The following RBMS3 variants were observed in gnomAD, a reference collection of about 807,000 sequenced individuals.
RBMS3 encodes RNA binding motif single stranded interacting protein 3.
A neutral mutation model predicts 66.8 loss-of-function variants in RBMS3; 27 were observed. The ratio of observed to expected loss-of-function variants is 0.40; its 90% CI spans 0.30 to 0.56. The LOEUF (loss-of-function observed/expected upper bound fraction) is 0.56, where lower values mean the gene tolerates loss of function less well. Among genes scored for constraint, RBMS3 ranks in the 20% least tolerant of loss-of-function variants. The pLI is 0.40. For missense variants in RBMS3, 513 were observed against 549.5 expected (o/e 0.93, Z 0.66); for synonymous variants, 188 against 183.0 (o/e 1.03, Z -0.22).
chr3:29,410,408 T>C (rs1469176504), intron 1 of RBMS3, among the ~76,000 whole-genome samples: 1 of 152,214 alleles, frequency 6.6e-6, no homozygotes, highest in African/African-American at 2.4e-5. Context: ...TGACAGCTAG[T>C]ATGCAAATTG....
Position 29,825,285 on chromosome 3 carries a change from C to T in RBMS3, c.638-43573C>T, listed in dbSNP as rs566780674. Among the ~76,000 whole-genome samples the T allele has an allele frequency of 1.7e-4, 26 of 152,202 alleles. No homozygotes were observed. In the South Asian group the frequency reaches 5.2e-3, roughly 30 times the overall value. On this transcript the variant is annotated intron_variant, in intron 6 of 14. Coordinates refer to ENST00000383767, the MANE Select transcript of RBMS3 (RefSeq NM_001003793.3). The stretch of plus-strand genomic sequence containing the variant: ...CTCCTGACCTCAGGTTATCCACCTG[C>T]CTCATCCTCCCAATGTGCTGGGATT...
chr3:29,316,841 CAA>C (rs1395931002), intron 1 of RBMS3, among the ~76,000 whole-genome samples: 1 of 151,536 alleles, frequency 6.6e-6, no homozygotes, highest in African/African-American at 2.4e-5. Context: ...CCTACGCACT[CAA>C]GAGACATTTG....
At chr3:29,408,271 CAAAAA>C (rs10708935) in intron 1 of RBMS3, among the ~76,000 whole-genome samples, 1 of 74,848 alleles carries the variant, frequency 1.3e-5, no homozygotes, top group Non-Finnish European at 2.7e-5. Flanking sequence ...GACTCCATCT[CAAAAA>C]AAAAAAAAAA....
chr3:29,330,544 G>T (rs1308143623), intron 1 of RBMS3, among the ~76,000 whole-genome samples: 1 of 152,112 alleles, frequency 6.6e-6, no homozygotes, highest in Non-Finnish European at 1.5e-5. Flanking sequence ...AATCCATTCT[G>T]GGTGGGTATC....
At chr3:29,321,033 A>G (rs1001562912) in intron 1 of RBMS3, among the ~76,000 whole-genome samples, 1 of 152,034 alleles carries the variant, frequency 6.6e-6, no homozygotes, top group Non-Finnish European at 1.5e-5. Flanking sequence ...GATATCATAT[A>G]CTTAGCCAAT....
At chr3:29,379,243 C>A (rs2038643638) in intron 1 of RBMS3, among the ~76,000 whole-genome samples, 2 of 152,192 alleles carry the variant, frequency 1.3e-5, no homozygotes, top group Non-Finnish European at 2.9e-5. Context: ...ATGTATTATT[C>A]TAACCTCTTT....
chr3:29,388,053 C>T (rs1364182750), intron 1 of RBMS3, among the ~76,000 whole-genome samples: 8 of 151,642 alleles, frequency 5.3e-5, no homozygotes, highest in Non-Finnish European at 1.0e-4. Context: ...TCAGAAATAA[C>T]TTCCCCAACC....
chr3:29,681,367 T>C (rs75174416), intron 4 of RBMS3, among the ~76,000 whole-genome samples: 4,262 of 152,276 alleles, frequency 0.028, 78 homozygotes, highest in Admixed American at 0.064. Flanking sequence ...TTTAAGTTAA[T>C]GGGTACATGT....
intron 1 of RBMS3, among the ~76,000 whole-genome samples, chr3:29,347,229 A>C (rs563371838): frequency 3.3e-5 from 5 of 152,350 alleles, no homozygotes; most frequent in Non-Finnish European, 5.9e-5. Flanking sequence ...ATTGTTTAAA[A>C]GAATTTTTGA....
At chr3:29,930,727 AATAT>A (rs113959842) in intron 10 of RBMS3, among the ~76,000 whole-genome samples, 2,087 of 149,452 alleles carry the variant, frequency 0.014, 47 homozygotes, top group African/African-American at 0.039. Context: ...TTTTTATTCT[AATAT>A]ATATATATAT....
intron 3 of RBMS3, among the ~76,000 whole-genome samples, chr3:29,570,845 A>C (rs1348362144): frequency 6.6e-6 from 1 of 152,180 alleles, no homozygotes; most frequent in Admixed American, 6.5e-5. Context: ...TATACTCAGC[A>C]ATGGTATTTC....
intron 4 of RBMS3, among the ~76,000 whole-genome samples, chr3:29,725,690 C>G (rs144980084): frequency 6.6e-6 from 1 of 152,068 alleles, no homozygotes; most frequent in East Asian, 1.9e-4. Flanking sequence ...AGACCAATAA[C>G]AAGTTCTGAA....
At chr3:29,411,897 C>T (rs1020550732) in intron 1 of RBMS3, among the ~76,000 whole-genome samples, 1 of 152,066 alleles carries the variant, frequency 6.6e-6, no homozygotes, top group African/African-American at 2.4e-5. Context: ...ATATGAATGC[C>T]CCATGTCTGT....
chr3:29,807,573 C>T (rs2057597319), intron 6 of RBMS3, among the ~76,000 whole-genome samples: 1 of 151,772 alleles, frequency 6.6e-6, no homozygotes, highest in South Asian at 2.1e-4. Context: ...TATTATAACT[C>T]AAGTGTCTTT....
At chr3:29,763,086 G>A (rs2055766925) in intron 6 of RBMS3, 97 bp downstream of exon 6, 2 of 767,172 alleles carry the variant, frequency 2.6e-6, no homozygotes, top group African/African-American at 3.7e-5. Flanking sequence ...TCACTGCAGA[G>A]TTGGGGGGTT....
intron 4 of RBMS3, among the ~76,000 whole-genome samples, chr3:29,734,546 A>C (rs1199703862): frequency 6.6e-6 from 1 of 152,090 alleles, no homozygotes; most frequent in Non-Finnish European, 1.5e-5. Flanking sequence ...GCCAATTAAA[A>C]ATGTTTTTTA....
At chr3:29,434,010 A>G (rs972169650) in intron 1 of RBMS3, among the ~76,000 whole-genome samples, 3 of 152,180 alleles carry the variant, frequency 2.0e-5, no homozygotes, top group Non-Finnish European at 2.9e-5. Context: ...TAAACATCCT[A>G]CAGTGAACAA....
At chr3:29,960,426 G>T (rs1696348434) in intron 12 of RBMS3, among the ~76,000 whole-genome samples, 1 of 152,202 alleles carries the variant, frequency 6.6e-6, no homozygotes, top group Non-Finnish European at 1.5e-5. Context: ...TTGAGTGCCT[G>T]TGGCTTTTCC....
At chr3:29,546,108 T>TTGTGTGTG (rs71091070) in intron 3 of RBMS3, among the ~76,000 whole-genome samples, 3,363 of 145,970 alleles carry the variant, frequency 0.023, 81 homozygotes, top group East Asian at 0.14. Context: ...TGAGACGGGT[T>TTGTGTGTG]TGTGTGTGTG....
Sources: allele counts gnomAD v4.1 joint callset (sites outside exome capture counted in the v4.1 genomes callset), GRCh38; gene constraint gnomAD v4.1.1; transcripts MANE v1.5; gene names NCBI Gene and HGNC (gene_info 2026-07-23, HGNC 2026-07-21).